Variants in TMEM123 observed in about 807,000 individuals in gnomAD.
TMEM123 encodes the protein transmembrane protein 123.
TMEM123 carries 16 observed loss-of-function variants against 19.7 expected under a neutral mutation model. The observed-to-expected ratio is 0.81, with a 90% CI of 0.55 to 1.23. TMEM123 has a LOEUF of 1.23. Among genes scored for constraint, TMEM123 ranks in the 50% most tolerant of loss-of-function variants. TMEM123 has a pLI of 0.00. For synonymous variants in TMEM123, 118 were observed against 99.4 expected (o/e 1.19, Z -1.12); for missense variants, 313 against 257.8 (o/e 1.21, Z -1.47).
chr11:102,427,493 G>C (rs1387880511), intron 2 of TMEM123, among the ~76,000 whole-genome samples: 1 of 144,824 alleles, frequency 6.9e-6, no homozygotes, highest in East Asian at 2.1e-4. Flanking sequence ...CTGTCGCCCA[G>C]GCTGGAGTGC....
chr11:102,413,530 C>A (rs915324215), intron 2 of TMEM123, among the ~76,000 whole-genome samples: 2 of 152,142 alleles, frequency 1.3e-5, no homozygotes, highest in South Asian at 2.1e-4. Context: ...CCCTCCAGCA[C>A]GGCAGGTGCT....
intron 2 of TMEM123, among the ~76,000 whole-genome samples, chr11:102,437,809 T>C (rs1857780155): frequency 1.3e-5 from 2 of 152,206 alleles, no homozygotes; most frequent in South Asian, 2.1e-4. Flanking sequence ...CTGTTTTTGA[T>C]GGCTCAAAAT....
chr11:102,435,641 G>A (rs191887478), intron 2 of TMEM123, among the ~76,000 whole-genome samples: 1 of 151,860 alleles, frequency 6.6e-6, no homozygotes, highest in Non-Finnish European at 1.5e-5. Context: ...ATTCATAGAA[G>A]CACTATTCAT....
chr11:102,437,696 T>C (rs1857779040), intron 2 of TMEM123, among the ~76,000 whole-genome samples: 2 of 152,128 alleles, frequency 1.3e-5, no homozygotes, highest in Admixed American at 1.3e-4. Flanking sequence ...GCACAGTGGT[T>C]TAGAATCACT....
At chr11:102,450,697 C>T (rs1307704131) in intron 1 of TMEM123, among the ~76,000 whole-genome samples, 1 of 152,200 alleles carries the variant, frequency 6.6e-6, no homozygotes. Flanking sequence ...TGAAACCAAA[C>T]ATGTATTAAT....
intron 2 of TMEM123, among the ~76,000 whole-genome samples, chr11:102,440,837 G>C (rs748999275): frequency 6.6e-6 from 1 of 152,112 alleles, no homozygotes; most frequent in Non-Finnish European, 1.5e-5. Flanking sequence ...TCAAAATAAA[G>C]GGATGGAGAA....
At chr11:102,418,727 A>T (rs542183065) in intron 2 of TMEM123, among the ~76,000 whole-genome samples, 27 of 152,346 alleles carry the variant, frequency 1.8e-4, no homozygotes, top group African/African-American at 6.3e-4. Flanking sequence ...AGCACTATTC[A>T]CAATAGCAAA....
At chr11:102,403,600 G>T (rs1417941196) in intron 2 of TMEM123, among the ~76,000 whole-genome samples, 1 of 151,940 alleles carries the variant, frequency 6.6e-6, no homozygotes, top group Non-Finnish European at 1.5e-5. Context: ...AGGTTTTTTG[G>T]TTTCCTATGT....
intron 2 of TMEM123, among the ~76,000 whole-genome samples, chr11:102,440,249 A>G (rs1297852164): frequency 1.3e-5 from 2 of 152,242 alleles, no homozygotes; most frequent in Non-Finnish European, 2.9e-5. Context: ...CATAATTGTC[A>G]GATTCACCAA....
chr11:102,421,866 A>C (rs12420281), intron 2 of TMEM123, among the ~76,000 whole-genome samples: 1,693 of 152,246 alleles, frequency 0.011, 77 homozygotes, highest in Admixed American at 0.078. Context: ...GTAGAACATC[A>C]ATGGGAGATG....
chr11:102,421,540 C>T (rs999635152), intron 2 of TMEM123, among the ~76,000 whole-genome samples: 18 of 151,780 alleles, frequency 1.2e-4, no homozygotes, highest in African/African-American at 4.1e-4. Flanking sequence ...ACTGTCTGCT[C>T]GAATGTCAGC....
intron 2 of TMEM123, among the ~76,000 whole-genome samples, chr11:102,433,273 A>G (rs942984401): frequency 6.6e-6 from 1 of 152,008 alleles, no homozygotes; most frequent in Non-Finnish European, 1.5e-5. Flanking sequence ...GCAAAGCCAC[A>G]GGGGTGGAGC....
At chr11:102,430,200 T>C (rs1246287945) in intron 2 of TMEM123, among the ~76,000 whole-genome samples, 2 of 152,204 alleles carry the variant, frequency 1.3e-5, no homozygotes, top group East Asian at 1.9e-4. Flanking sequence ...CAGGTGGTGA[T>C]TTGTTTTGAC....
chr11:102,399,849 A>G (rs1951895222), intron 4 of TMEM123, among the ~76,000 whole-genome samples: 1 of 152,058 alleles, frequency 6.6e-6, no homozygotes, highest in South Asian at 2.1e-4. Flanking sequence ...AGGCACCTAT[A>G]ATCCCAGCTA....
At chr11:102,448,222 T>C (rs1401418678) in intron 2 of TMEM123, 1 of 456,102 alleles carries the variant, frequency 2.2e-6, no homozygotes, top group South Asian at 1.5e-5. Flanking sequence ...AAAAATTGTT[T>C]ACAAGAAACG....
chr11:102,415,711 C>T (rs1204976332), intron 2 of TMEM123, among the ~76,000 whole-genome samples: 3 of 152,126 alleles, frequency 2.0e-5, no homozygotes, highest in African/African-American at 7.2e-5. Flanking sequence ...TAAATGCCCA[C>T]ATGAAAATGT....
chr11:102,418,916 T>A (rs1221451170), intron 2 of TMEM123, among the ~76,000 whole-genome samples: 2 of 151,932 alleles, frequency 1.3e-5, no homozygotes, highest in Non-Finnish European at 1.5e-5. Flanking sequence ...AAACAGAAAA[T>A]CAAATACTGC....
At chr11:102,430,365 C>G (rs900440278) in intron 2 of TMEM123, among the ~76,000 whole-genome samples, 1 of 152,214 alleles carries the variant, frequency 6.6e-6, no homozygotes, top group Non-Finnish European at 1.5e-5. Flanking sequence ...AGCCTTCCCC[C>G]TGAAGGAGCT....
At chr11:102,410,975 T>C (rs980567319) in intron 2 of TMEM123, among the ~76,000 whole-genome samples, 35 of 152,296 alleles carry the variant, frequency 2.3e-4, no homozygotes, top group African/African-American at 7.7e-4. Flanking sequence ...ATACAAAATA[T>C]ATTTGGTCTT....
Sources: gnomAD v4.1 joint callset for allele counts (sites outside exome capture counted in the v4.1 genomes callset) on GRCh38, gnomAD v4.1.1 for gene constraint, MANE v1.5 for transcripts, NCBI Gene and HGNC (gene_info 2026-07-23, HGNC 2026-07-21) for gene names.